ADCY9: variants seen among roughly 807,000 people sequenced by gnomAD.
ADCY9 encodes adenylate cyclase type 9.
A neutral mutation model predicts 101.5 loss-of-function variants in ADCY9; 50 were observed. The observed-to-expected ratio is 0.49, with a 90% CI of 0.39 to 0.62. The LOEUF (loss-of-function observed/expected upper bound fraction) is 0.62. ADCY9 is among the 20% of genes least tolerant of loss of function. The pLI is 0.00. For synonymous variants in ADCY9, 905 were observed against 769.3 expected, an observed-to-expected ratio of 1.18 and a Z score of -2.92; for missense variants, 1,662 against 1,800.4, an observed-to-expected ratio of 0.92 and a Z score of 1.39.
intron 7 of ADCY9, chr16:3,982,999 G>T (rs889496691): frequency 1.7e-6 from 1 of 573,116 alleles, no homozygotes; most frequent in African/African-American, 1.9e-5. Context: ...CAGCGGTTGG[G>T]GCTGTGGAGG....
chr16:4,002,860 C>A (rs1054032789), intron 3 of ADCY9, among the ~76,000 whole-genome samples: 7 of 152,196 alleles, frequency 4.6e-5, no homozygotes, highest in African/African-American at 1.7e-4. Context: ...GGACTACAGG[C>A]ATATGCCACC....
At chr16:4,003,948 T>A (rs2056349800) in intron 3 of ADCY9, among the ~76,000 whole-genome samples, 1 of 152,058 alleles carries the variant, frequency 6.6e-6, no homozygotes. Context: ...TGAGGACCTC[T>A]CACTGCTGGT....
chr16:4,097,544 T>C (rs1373554139), intron 2 of ADCY9, among the ~76,000 whole-genome samples: 6 of 50,256 alleles, frequency 1.2e-4, no homozygotes, highest in African/African-American at 7.7e-4. Flanking sequence ...TATATATATA[T>C]ATATATATAT....
chr16:4,041,908 C>G (rs2056629544), intron 2 of ADCY9, among the ~76,000 whole-genome samples: 3 of 147,178 alleles, frequency 2.0e-5, no homozygotes, highest in South Asian at 4.3e-4. Context: ...TGTGCCACTG[C>G]CCCCAGCTAA....
chr16:4,045,082 A>G (rs906911690), intron 2 of ADCY9, among the ~76,000 whole-genome samples: 1 of 152,216 alleles, frequency 6.6e-6, no homozygotes, highest in Non-Finnish European at 1.5e-5. Context: ...AAAGCATTAT[A>G]AAGTGAGGCT....
downstream of ADCY9, among the ~76,000 whole-genome samples, chr16:3,962,125 G>C (rs1007182136): frequency 1.2e-4 from 19 of 152,224 alleles, no homozygotes; most frequent in Non-Finnish European, 2.6e-4. Flanking sequence ...TCAGATGCGG[G>C]AGTGTGGTGA....
chr16:3,972,495 A>C (rs1450304380), intron 10 of ADCY9, among the ~76,000 whole-genome samples: 1 of 152,144 alleles, frequency 6.6e-6, no homozygotes. Context: ...AGCCTCCCAA[A>C]GTGTTGGGAT....
At chr16:4,000,292 GC>G (rs2056320562) in intron 3 of ADCY9, among the ~76,000 whole-genome samples, 1 of 152,190 alleles carries the variant, frequency 6.6e-6, no homozygotes, top group Admixed American at 6.5e-5. Flanking sequence ...GCAAGCACTG[GC>G]CCAGAGCCAC....
At chr16:3,969,382 C>T (rs1264811858) in intron 10 of ADCY9, among the ~76,000 whole-genome samples, 2 of 149,960 alleles carry the variant, frequency 1.3e-5, no homozygotes, top group Admixed American at 6.7e-5. Flanking sequence ...GAGTAGTGTG[C>T]GCCACCAGGC....
chr16:4,064,534 A>G (rs1252656886), intron 2 of ADCY9, among the ~76,000 whole-genome samples: 2 of 152,146 alleles, frequency 1.3e-5, no homozygotes, highest in Non-Finnish European at 2.9e-5. Flanking sequence ...GTACAATGGC[A>G]CAATCAGAGC....
chr16:4,048,774 G>A lies in ADCY9; in HGVS notation c.1694-41216C>T, dbSNP rs114328232. On this transcript the variant is annotated intron_variant, in intron 2 of 10. Coordinates refer to ENST00000294016, the MANE Select transcript of ADCY9 (RefSeq NM_001116.4). ...CCACTAGATGCTGGCTTGGACAGGCGATGCTGAGGGTTCCCATAGACGGCA... is the reference window on the plus strand; with the variant it reads ...CCACTAGATGCTGGCTTGGACAGGCAATGCTGAGGGTTCCCATAGACGGCA... 9.0e-3 allele frequency among the ~76,000 whole-genome samples: 1,373 copies of A among 151,912 alleles called. 26 individuals carry two copies. Among genetic ancestry groups the A allele is most frequent in the African/African-American group, 0.031 (1,301 of 41,440 alleles).
intron 2 of ADCY9, among the ~76,000 whole-genome samples, chr16:4,081,390 G>A (rs1206219436): frequency 3.3e-5 from 5 of 152,236 alleles, no homozygotes; most frequent in East Asian, 3.8e-4. Context: ...CCGCACAGGA[G>A]ACCCTCTGTC....
intron 2 of ADCY9, among the ~76,000 whole-genome samples, chr16:4,053,828 C>T (rs1417375672): frequency 6.6e-6 from 1 of 152,086 alleles, no homozygotes; most frequent in Non-Finnish European, 1.5e-5. Context: ...GACTCTTTCT[C>T]GGTAATAAAA....
At chr16:3,974,782 G>C (rs770693167) in intron 9 of ADCY9, 72 bp from the exon 10 acceptor site, 34 of 1,257,176 alleles carry the variant, frequency 2.7e-5, no homozygotes, top group Non-Finnish European at 3.9e-5. Flanking sequence ...CCTGAGAAGA[G>C]CTTGAACAAA....
Position 3,989,013 on chromosome 16 carries a change from C to T in ADCY9, c.2291G>A (p.Arg764Lys), listed in dbSNP as rs2141698500. 1 of 1,613,848 alleles carries T rather than the reference C, an allele frequency of 6.2e-7. No homozygotes were observed. The highest frequency in any genetic ancestry group is 2.2e-5 in the East Asian group (1 of 44,872). Residue 764 changes from arginine to lysine, a missense_variant, in exon 6 of 11, where the codon AGG (arginine) becomes AAG (lysine). Physicochemically the swap from Arg to Lys is conservative, Grantham distance 26. Transcript: ENST00000294016. ...ACGCACCTCTTCCTGATAGCTGGTC[C>T]TGTAGGATCGCTCCAGCTCCTGATC... The part of the protein sequence containing the change: ...FLDQELERSY[R>K]TSYQEEVIKN...
At chr16:4,009,760 T>A (rs546661011) in intron 2 of ADCY9, among the ~76,000 whole-genome samples, 1 of 152,358 alleles carries the variant, frequency 6.6e-6, no homozygotes, top group South Asian at 2.1e-4. Flanking sequence ...GACACCAGAC[T>A]GACTTTGTAA....
intron 2 of ADCY9, among the ~76,000 whole-genome samples, chr16:4,045,811 A>G (rs1055776779): frequency 1.9e-4 from 28 of 143,832 alleles, no homozygotes; most frequent in African/African-American, 5.2e-5. Flanking sequence ...TGATCCTTTC[A>G]CCTCAGCCGC....
Position 4,058,042 on chromosome 16 carries a change from C to T in ADCY9, c.1694-50484G>A, listed in dbSNP as rs182086170. Among the ~76,000 whole-genome samples the T allele has an allele frequency of 1.5e-3, 226 of 151,740 alleles. 1 individual carries two copies. The highest frequency in any genetic ancestry group is 5.2e-3 in the African/African-American group (215 of 41,326). ...GGCGTGGTGGTGGGCACCTGTAATC[C>T]CAGCTACTTGGGAGGTCGAGGCAGA... is the stretch of plus-strand genomic sequence containing the variant. On this transcript the variant is annotated intron_variant, in intron 2 of 10. Transcript: ENST00000294016.
chr16:3,974,663 G>A lies in ADCY9; in HGVS notation c.2870+6C>T, dbSNP rs767240836. On this transcript the variant is annotated splice_donor_region_variant and intron_variant, in intron 10 of 10. Transcript: ENST00000294016. Reference sequence around the variant, plus strand: ...TTCAGACAGAAGTGCAATATTAAAAGCTTACCTGAAATTCTGTACTGCGTC... The same window carrying A: ...TTCAGACAGAAGTGCAATATTAAAAACTTACCTGAAATTCTGTACTGCGTC... 43 of 1,610,796 alleles carry A rather than the reference G, an allele frequency of 2.7e-5. No individual in the cohort carries two copies. In the East Asian group the frequency reaches 8.7e-4, roughly 33 times the overall value.
Sources: gnomAD v4.1 joint callset for allele counts (sites outside exome capture counted in the v4.1 genomes callset) on GRCh38, gnomAD v4.1.1 for gene constraint, MANE v1.5 for transcripts, NCBI Gene and HGNC (gene_info 2026-07-23, HGNC 2026-07-21) for gene names.